The following SLC6A17 variants were observed in gnomAD, a reference collection of about 807,000 sequenced individuals.
The protein encoded by SLC6A17 is solute carrier family 6 member 17, also known as sodium-dependent neutral amino acid transporter SLC6A17.
SLC6A17 carries 21 observed loss-of-function variants against 64.5 expected under a neutral mutation model. That is an observed-to-expected ratio of 0.33 (90% CI 0.23 to 0.47). SLC6A17 has a LOEUF of 0.47. Ranked by LOEUF, SLC6A17 falls within the 20% of genes least tolerant of loss-of-function variation. The pLI is 1.00. For missense variants in SLC6A17, 682 were observed against 963.2 expected (o/e 0.71, Z 3.86); for synonymous variants, 372 against 399.5 (o/e 0.93, Z 0.82).
rs755622380 is a variant in SLC6A17, at chr1:110,192,116, T to G, written c.1009T>G (p.Ser337Ala). The change falls in exon 7 of 12, where the codon TCC becomes GCC. Residue 337 changes from serine (S) to alanine (A), a missense_variant. Physicochemically the swap from Ser to Ala is moderately conservative, Grantham distance 99 (BLOSUM62 1). Transcript: ENST00000331565. This position sits in a 1 kb window ranked among gnomAD's most constrained non-coding sequence, Gnocchi z 4.3. ...CTGCCACTTCGATGCCGCCCTGGTG[T>G]CCTTCATCAACTTCTTCACGTCAGT... ...NNCHFDAALVSFINFFTSVLA... is the reference protein window; with the variant it reads ...NNCHFDAALVAFINFFTSVLA... 10 of 1,614,212 alleles carry G rather than the reference T, an allele frequency of 6.2e-6. No homozygotes were observed. Among genetic ancestry groups the G allele is most frequent in the Non-Finnish European group, 8.5e-6 (10 of 1,180,038 alleles).
intron 2 of SLC6A17, among the ~76,000 whole-genome samples, chr1:110,171,298 C>T (rs958025220): frequency 2.0e-5 from 3 of 152,198 alleles, no homozygotes; most frequent in Admixed American, 2.0e-4. Flanking sequence ...AGGGTGCACT[C>T]ATCTGTGTCC....
At chr1:110,159,800 A>G (rs949155459) in intron 1 of SLC6A17, among the ~76,000 whole-genome samples, 2 of 152,240 alleles carry the variant, frequency 1.3e-5, no homozygotes, top group Non-Finnish European at 2.9e-5. Flanking sequence ...AGAATATTGC[A>G]TCAGAAAATG....
At chr1:110,163,723 AC>A (rs1655976360) in intron 1 of SLC6A17, among the ~76,000 whole-genome samples, 1 of 151,896 alleles carries the variant, frequency 6.6e-6, no homozygotes. Flanking sequence ...CCTCCCCAGC[AC>A]ACCTCTCCCT....
intron 6 of SLC6A17, among the ~76,000 whole-genome samples, chr1:110,191,297 T>C (rs775492248): frequency 4.6e-5 from 7 of 152,046 alleles, no homozygotes; most frequent in African/African-American, 7.3e-5. Flanking sequence ...AAAAGGAAAA[T>C]AGGTTGGAAA....
intron 1 of SLC6A17, among the ~76,000 whole-genome samples, chr1:110,163,018 TAAAAAAAAAA>T (rs67702050): frequency 9.8e-6 from 1 of 102,204 alleles, no homozygotes; most frequent in South Asian, 3.3e-4. Flanking sequence ...CCCATGTTGG[TAAAAAAAAAA>T]AAAAAAAAAA....
rs116300394 is a variant in SLC6A17, at chr1:110,186,899, T to G, written c.865-5073T>G. 6.1e-3 allele frequency among the ~76,000 whole-genome samples: 924 copies of G among 152,280 alleles called. 10 individuals are homozygous for G. Among genetic ancestry groups the G allele is most frequent in the African/African-American group, 0.021 (879 of 41,548 alleles). ...TATTCATGGTGGGTTTTGAGAAATTTGTAGGAGTTTACCAGAAAGTGAGTA... is the reference window on the plus strand; with the variant it reads ...TATTCATGGTGGGTTTTGAGAAATTGGTAGGAGTTTACCAGAAAGTGAGTA... On this transcript the variant is annotated intron_variant, in intron 6 of 11. Coordinates refer to ENST00000331565, the MANE Select transcript of SLC6A17 (RefSeq NM_001010898.4).
In SLC6A17 at chr1:110,201,652, T is replaced by G. The variant is rs1657130233; in HGVS notation, c.*3208T>G. 6.6e-6 allele frequency: 1 copy of G among 152,400 alleles called. No homozygotes were observed. Among genetic ancestry groups the G allele is most frequent in the Non-Finnish European group, 1.5e-5 (1 of 68,210 alleles). 9.4% of individuals were successfully genotyped at this position (152,400 alleles called of 1,614,324 possible). ...CCAGCAATACATGTGCAGGGGTTGC[T>G]GCTTTCCCAGTGCCAGGAGAACCCC... On this transcript the variant is annotated 3_prime_UTR_variant, in exon 12 of 12. Coordinates refer to ENST00000331565, the MANE Select transcript of SLC6A17 (RefSeq NM_001010898.4).
At chr1:110,180,846 C>T (rs1339645408) in intron 6 of SLC6A17, among the ~76,000 whole-genome samples, 2 of 152,120 alleles carry the variant, frequency 1.3e-5, no homozygotes, top group Non-Finnish European at 2.9e-5. Flanking sequence ...GAATTTTTGG[C>T]CAGGGCATCT....
chr1:110,168,377 G>A (rs1656130243), intron 2 of SLC6A17, among the ~76,000 whole-genome samples: 1 of 152,246 alleles, frequency 6.6e-6, no homozygotes, highest in Admixed American at 6.5e-5. Flanking sequence ...TTGGCTGGGA[G>A]GCTTCTCCTT....
intron 1 of SLC6A17, chr1:110,166,115 A>AGAT (rs1186558195): frequency 2.0e-5 from 3 of 152,240 alleles, no homozygotes; most frequent in Admixed American, 6.5e-5. Context: ...AGAAGTCCTC[A>AGAT]GATAATGTCA....
Position 110,195,691 on chromosome 1 carries a change from C to T in SLC6A17, c.1598C>T (p.Thr533Ile). ...FDDYSATLPL[T>I]LIVILENIAV... ...GACTACTCGGCCACCCTGCCACTCA[C>T]TCTCATCGTCATCCTTGAGAACATC... The change falls in exon 10 of 12, where the codon ACT (threonine) becomes ATT (isoleucine). Residue 533 changes from threonine to isoleucine, a missense_variant. Physicochemically the swap from Thr to Ile is moderately conservative, Grantham distance 89 (BLOSUM62 -1). Coordinates refer to ENST00000331565, the MANE Select transcript of SLC6A17 (RefSeq NM_001010898.4). 1 of 1,614,270 alleles carries T rather than the reference C, an allele frequency of 6.2e-7. No individual in the cohort carries two copies. Among genetic ancestry groups the T allele is most frequent in the Non-Finnish European group, 8.5e-7 (1 of 1,180,042 alleles).
At chr1:110,169,279 C>G (rs1361363491) in intron 2 of SLC6A17, among the ~76,000 whole-genome samples, 7 of 152,110 alleles carry the variant, frequency 4.6e-5, no homozygotes, top group Non-Finnish European at 1.0e-4. Flanking sequence ...GAGAAAAAGG[C>G]AAATGTTCAA....
chr1:110,150,781 C>G lies in SLC6A17; in HGVS notation c.-190C>G, dbSNP rs1557826121. 1 of 152,130 alleles carries G rather than the reference C, an allele frequency of 6.6e-6. No individual in the cohort carries two copies. Among genetic ancestry groups the G allele is most frequent in the Non-Finnish European group, 1.5e-5 (1 of 68,028 alleles). 9.4% of individuals were successfully genotyped at this position (152,130 alleles called of 1,614,324 possible). On this transcript the variant is annotated 5_prime_UTR_variant, in exon 1 of 12. Coordinates refer to ENST00000331565, the MANE Select transcript of SLC6A17 (RefSeq NM_001010898.4). ...GGTCGCCCCAGCCCCAGCCGGGGGC[C>G]TGTGGCCCGGGGGAGGAGCTGTGCG... is the stretch of plus-strand genomic sequence containing the variant.
intron 3 of SLC6A17, 62 bp from the exon 4 acceptor site, chr1:110,173,911 A>AT: frequency 6.5e-7 from 1 of 1,528,310 alleles, no homozygotes; most frequent in Non-Finnish European, 8.8e-7. Context: ...CCTCGGGTGG[A>AT]GCGTGGGGGC....
intron 6 of SLC6A17, among the ~76,000 whole-genome samples, chr1:110,187,847 C>A (rs930348390): frequency 6.6e-6 from 1 of 152,206 alleles, no homozygotes; most frequent in Non-Finnish European, 1.5e-5. Context: ...TGGGAATTAA[C>A]ACAAGTCCTT....
chr1:110,167,096 ATG>A lies in SLC6A17; in HGVS notation c.168_169del (p.Ala57ArgfsTer9). 6.2e-7 allele frequency: 1 copy of A among 1,612,244 alleles called. No individual in the cohort carries two copies. Among genetic ancestry groups the A allele is most frequent in the Non-Finnish European group, 8.5e-7 (1 of 1,179,434 alleles). The stretch of plus-strand genomic sequence containing the variant: ...CAGAAGGCGGTGGAGGAGGAGCTGG[ATG>A]CAGAGGACCGGCCGGCCTGGAACAG... On this transcript the variant is annotated frameshift_variant, in exon 2 of 12. Transcript: ENST00000331565. LOFTEE classifies it high-confidence loss of function.
At chr1:110,182,642 CGACA>C (rs1258226317) in intron 6 of SLC6A17, among the ~76,000 whole-genome samples, 1 of 150,950 alleles carries the variant, frequency 6.6e-6, no homozygotes, top group South Asian at 2.1e-4. Flanking sequence ...ACAGGCAGGC[CGACA>C]GACAAACAGA....
At chr1:110,185,289 T>C (rs1365502796) in intron 6 of SLC6A17, among the ~76,000 whole-genome samples, 2 of 152,230 alleles carry the variant, frequency 1.3e-5, no homozygotes, top group African/African-American at 4.8e-5. Flanking sequence ...TGGTAAATGT[T>C]AGCTATTATT....
intron 10 of SLC6A17, among the ~76,000 whole-genome samples, chr1:110,196,846 C>G (rs1205796620): frequency 6.6e-6 from 1 of 152,120 alleles, no homozygotes; most frequent in Non-Finnish European, 1.5e-5. Flanking sequence ...TATCTGTAAT[C>G]TATTGGTGAC....
Sources: allele counts gnomAD v4.1 joint callset (sites outside exome capture counted in the v4.1 genomes callset), GRCh38; gene constraint gnomAD v4.1.1; non-coding constraint Gnocchi (gnomAD v3.1); transcripts MANE v1.5; gene names NCBI Gene and HGNC (gene_info 2026-07-23, HGNC 2026-07-21).